The following THUMPD2 variants were observed in gnomAD, a reference collection of about 807,000 sequenced individuals.
THUMPD2 encodes the protein THUMP domain 2 tRNA and snRNA guanosine methyltransferase, also known as U6 snRNA (guanine-N(2))-methyltransferase THUMPD2.
A neutral mutation model predicts 49.4 loss-of-function variants in THUMPD2; 56 were observed. That is an observed-to-expected ratio of 1.13 (90% CI 0.91 to 1.41). The LOEUF (loss-of-function observed/expected upper bound fraction) is 1.41, where lower values mean the gene tolerates loss of function less well. Among genes scored for constraint, THUMPD2 ranks in the 40% most tolerant of loss-of-function variants. The pLI is 0.00. For missense variants in THUMPD2, 709 were observed against 594.5 expected (o/e 1.19, Z -2.00); for synonymous variants, 237 against 205.2 (o/e 1.15, Z -1.32).
At position 39,736,838 on chromosome 2, in the gene THUMPD2, GACATTC is replaced by G; in HGVS notation, c.1403_1408del (p.Arg468_Ser470delinsThr). Reference sequence around the variant, plus strand: ...CACTGGTACCAAGGAGCCAAATGGTGACATTCTGTCTAAGAATTTGTGGTTACTGGC... The same window carrying G: ...CACTGGTACCAAGGAGCCAAATGGTGTGTCTAAGAATTTGTGGTTACTGGC... On this transcript the variant is annotated inframe_deletion, in exon 10 of 10. Coordinates refer to ENST00000505747, the MANE Select transcript of THUMPD2 (RefSeq NM_025264.5). 1 of 1,614,202 alleles carries G rather than the reference GACATTC, an allele frequency of 6.2e-7. No homozygotes were observed. The highest frequency in any genetic ancestry group is 1.6e-4 in the Middle Eastern group (1 of 6,062).
rs1426818371 is a variant in THUMPD2, at chr2:39,755,192, G to C, written c.1078+103C>G. 6 of 710,440 alleles carry C rather than the reference G, an allele frequency of 8.4e-6. No homozygotes were observed. The Admixed American group carries it at 1.8e-4, about 22-fold the overall frequency. The allele number at this position is 710,440 out of a possible 1,614,324, so 44.0% of individuals were successfully genotyped here. ...GTATTAGTCCCACAGATATATTAAAGGGTAAAACCAACCTTTACATAGTGA... is the reference window on the plus strand; with the variant it reads ...GTATTAGTCCCACAGATATATTAAACGGTAAAACCAACCTTTACATAGTGA... On this transcript the variant is annotated intron_variant, in intron 8 of 9. Coordinates refer to ENST00000505747, the MANE Select transcript of THUMPD2 (RefSeq NM_025264.5).
At chr2:39,757,423 A>C (rs1572815793) in intron 6 of THUMPD2, 1 of 1,301,840 alleles carries the variant, frequency 7.7e-7, no homozygotes, top group African/African-American at 1.5e-5. Context: ...CCCTGGTACT[A>C]AATTTTAAAG....
intron 9 of THUMPD2, 65 bp downstream of exon 9, chr2:39,744,305 T>C: frequency 1.1e-6 from 1 of 877,468 alleles, no homozygotes; most frequent in South Asian, 1.9e-5. Context: ...ACTGAAGAGC[T>C]ATGATGTATT....
intron 8 of THUMPD2, among the ~76,000 whole-genome samples, chr2:39,747,850 T>C (rs958936471): frequency 1.3e-5 from 2 of 152,198 alleles, no homozygotes; most frequent in African/African-American, 2.4e-5. Flanking sequence ...TCTATTATTC[T>C]TTTAATTGTT....
At chr2:39,752,587 T>C (rs1053885916) in intron 8 of THUMPD2, among the ~76,000 whole-genome samples, 1 of 152,200 alleles carries the variant, frequency 6.6e-6, no homozygotes, top group Non-Finnish European at 1.5e-5. Flanking sequence ...GGCCCCTGTA[T>C]TAGCAAGACA....
intron 8 of THUMPD2, among the ~76,000 whole-genome samples, chr2:39,754,877 C>T (rs1003450186): frequency 3.3e-5 from 5 of 152,112 alleles, no homozygotes; most frequent in African/African-American, 9.7e-5. Flanking sequence ...GTGTATCTCA[C>T]GGATACTGTC....
intron 7 of THUMPD2, 43 bp from the exon 8 acceptor site, chr2:39,755,452 A>G (rs758734673): frequency 2.3e-6 from 3 of 1,295,718 alleles, no homozygotes; most frequent in Admixed American, 2.5e-5. Flanking sequence ...AAATTATTAC[A>G]TATTTCATGT....
chr2:39,766,202 C>A, intron 4 of THUMPD2, 93 bp from the exon 5 acceptor site: 1 of 918,346 alleles, frequency 1.1e-6, no homozygotes, highest in Non-Finnish European at 1.6e-6. Context: ...CTTACATGAT[C>A]TATGTTTTAA....
chr2:39,779,255 C>G lies in THUMPD2; in HGVS notation c.-16G>C. On this transcript the variant is annotated 5_prime_UTR_variant, in exon 1 of 10. Transcript: ENST00000505747. ...CCTCCGACATGGCGGCTCAGGCGCG[C>G]CCTCGCGCCTTCGGGTCACGTGGCC... 6.8e-7 allele frequency: 1 copy of G among 1,470,590 alleles called. No individual in the cohort carries two copies. The highest frequency in any genetic ancestry group is 8.9e-7 in the Non-Finnish European group (1 of 1,118,970). The allele number at this position is 1,470,590 out of a possible 1,614,324, so 91.1% of individuals were successfully genotyped here. A position where few individuals can be genotyped will look rare whatever the true frequency, so the allele number is the denominator to read the frequency against.
Position 39,736,554 on chromosome 2 carries a change from A to C in THUMPD2, c.*181T>G, listed in dbSNP as rs1037262386. On this transcript the variant is annotated 3_prime_UTR_variant, in exon 10 of 10. Transcript: ENST00000505747. The stretch of plus-strand genomic sequence containing the variant: ...AACTTTTTTCTCAAAAACATTAAGT[A>C]CTTTAGAATATAAAGCAGAAACTCT... The C allele has an allele frequency of 2.1e-6, 1 of 482,052 alleles. No individual in the cohort carries two copies. Among genetic ancestry groups the C allele is most frequent in the Non-Finnish European group, 3.6e-6 (1 of 276,824 alleles). 29.9% of individuals were successfully genotyped at this position (482,052 alleles called of 1,614,324 possible).
chr2:39,738,326 G>A, intron 9 of THUMPD2, among the ~76,000 whole-genome samples: 1 of 152,172 alleles, frequency 6.6e-6, no homozygotes, highest in Non-Finnish European at 1.5e-5. Flanking sequence ...ATTTTGGGAG[G>A]CTCAGGTGGG....
intron 3 of THUMPD2, chr2:39,769,216 G>A: frequency 3.4e-6 from 2 of 580,506 alleles, no homozygotes; most frequent in Admixed American, 7.4e-5. Context: ...AAATTTTTAG[G>A]CAGAAAGTAT....
At chr2:39,763,789 A>G (rs1211880188) in intron 5 of THUMPD2, among the ~76,000 whole-genome samples, 3 of 152,180 alleles carry the variant, frequency 2.0e-5, no homozygotes, top group Non-Finnish European at 4.4e-5. Flanking sequence ...ACATATTTAC[A>G]AGGCACTTCA....
At chr2:39,742,218 CAT>C (rs1252712106) in intron 9 of THUMPD2, among the ~76,000 whole-genome samples, 2 of 152,114 alleles carry the variant, frequency 1.3e-5, no homozygotes, top group Non-Finnish European at 2.9e-5. Flanking sequence ...AAAAGTCAGA[CAT>C]AAAGGTTGGG....
chr2:39,761,085 G>C (rs1181315533), intron 6 of THUMPD2, among the ~76,000 whole-genome samples: 1 of 152,016 alleles, frequency 6.6e-6, no homozygotes, highest in Non-Finnish European at 1.5e-5. Context: ...CAAAACATTA[G>C]AAATAATGAA....
rs567803447 is a variant in THUMPD2 at position 39,742,481 on chromosome 2, T to A, written c.1187+1889A>T. ...CTAGAGAAAGTCAGGCTGGTATAAT[T>A]TACTAGGCTGAAAGAACTGTCTACT... is the stretch of plus-strand genomic sequence containing the variant. On this transcript the variant is annotated intron_variant, in intron 9 of 9. Coordinates refer to ENST00000505747, the MANE Select transcript of THUMPD2 (RefSeq NM_025264.5). Among the ~76,000 whole-genome samples, 6 of 152,276 alleles carry A rather than the reference T, an allele frequency of 3.9e-5. 1 individual carries two copies. In the South Asian group the frequency reaches 1.2e-3, roughly 32 times the overall value.
chr2:39,766,052 T>G lies in THUMPD2; in HGVS notation c.803+5A>C. ...TGGGACAAACCGGAAGCTTAGAATA[T>G]CTACCTGAACACAGGAATCCCCACC... is the stretch of plus-strand genomic sequence containing the variant. On this transcript the variant is annotated splice_donor_5th_base_variant and intron_variant, in intron 5 of 9. Transcript: ENST00000505747. The G allele has an allele frequency of 1.9e-6, 3 of 1,576,042 alleles. No homozygotes were observed. Among genetic ancestry groups the G allele is most frequent in the Non-Finnish European group, 2.6e-6 (3 of 1,166,378 alleles).
At chr2:39,743,011 A>G (rs1182241824) in intron 9 of THUMPD2, among the ~76,000 whole-genome samples, 1 of 152,214 alleles carries the variant, frequency 6.6e-6, no homozygotes, top group East Asian at 1.9e-4. Flanking sequence ...AAAGTTGCTT[A>G]GAAATAAGAT....
At chr2:39,745,405 A>C (rs1375902178) in intron 8 of THUMPD2, among the ~76,000 whole-genome samples, 1 of 152,236 alleles carries the variant, frequency 6.6e-6, no homozygotes, top group African/African-American at 2.4e-5. Context: ...ATTGTTCGAA[A>C]AAAAGAAGGA....
Sources: allele counts gnomAD v4.1 joint callset (sites outside exome capture counted in the v4.1 genomes callset), GRCh38; gene constraint gnomAD v4.1.1; transcripts MANE v1.5; gene names NCBI Gene and HGNC (gene_info 2026-07-23, HGNC 2026-07-21).